Variants in AMPH observed in about 807,000 individuals in gnomAD.
AMPH encodes the protein amphiphysin (Stiff-Mann syndrome with breast cancer 128kD autoantigen).
In AMPH, 49 loss-of-function variants were observed where a neutral mutation model predicts 99.1. That is an observed-to-expected ratio of 0.49 (90% CI 0.39 to 0.63). The LOEUF (loss-of-function observed/expected upper bound fraction) is 0.63, where lower values mean the gene tolerates loss of function less well. Ranked by LOEUF, AMPH falls within the 20% of genes least tolerant of loss-of-function variation. The pLI, the probability that AMPH is intolerant of heterozygous loss-of-function variation, is 0.00. For missense variants in AMPH, 759 were observed against 863.4 expected (o/e 0.88, Z 1.52); for synonymous variants, 314 against 317.3 (o/e 0.99, Z 0.11).
At chr7:38,607,123 C>G (rs1322351130) in intron 1 of AMPH, among the ~76,000 whole-genome samples, 2 of 152,168 alleles carry the variant, frequency 1.3e-5, no homozygotes, top group Non-Finnish European at 2.9e-5. Context: ...ATGACAACCA[C>G]CTAGCTTTGA....
At chr7:38,559,336 C>T (rs369077800) in intron 1 of AMPH, among the ~76,000 whole-genome samples, 9 of 152,318 alleles carry the variant, frequency 5.9e-5, no homozygotes, top group Non-Finnish European at 1.2e-4. Context: ...AGATGAAGGA[C>T]GATGAGGTGT....
chr7:38,606,962 G>A (rs1793457853), intron 1 of AMPH, among the ~76,000 whole-genome samples: 2 of 152,114 alleles, frequency 1.3e-5, no homozygotes, highest in African/African-American at 4.8e-5. Context: ...ATGGACATTT[G>A]TGTTGTTTCT....
intron 2 of AMPH, among the ~76,000 whole-genome samples, chr7:38,523,780 T>C (rs1484530271): frequency 3.9e-5 from 6 of 152,264 alleles, no homozygotes; most frequent in East Asian, 1.9e-4. Flanking sequence ...TAATTCACCA[T>C]GTAGCAAGCA....
chr7:38,608,804 A>C (rs1157573995), intron 1 of AMPH, among the ~76,000 whole-genome samples: 2 of 152,184 alleles, frequency 1.3e-5, no homozygotes, highest in Non-Finnish European at 2.9e-5. Flanking sequence ...GAAATTATGC[A>C]ATGACCATGT....
chr7:38,407,874 A>T (rs1237318002), intron 17 of AMPH, among the ~76,000 whole-genome samples: 2 of 152,202 alleles, frequency 1.3e-5, no homozygotes, highest in African/African-American at 4.8e-5. Context: ...AATAATTCTG[A>T]TTCTGATTCA....
Position 38,540,692 on chromosome 7 carries a change from C to CAAAAAAAAAAAAAAAAAAAAAAAAAAAA in AMPH, c.70-5709_70-5682dup, listed in dbSNP as rs373768495. On this transcript the variant is annotated intron_variant, in intron 1 of 20. Transcript: ENST00000356264. ...AGCTATGAGAAGGTGTGACCCCAAG[C>CAAAAAAAAAAAAAAAAAAAAAAAAAAAA]AAAAAAAAAAAAAAAAAAAAAAAAA... Among the ~76,000 whole-genome samples the CAAAAAAAAAAAAAAAAAAAAAAAAAAAA allele has an allele frequency of 1.0e-4, 2 of 19,768 alleles. 1 individual carries two copies. The highest frequency in any genetic ancestry group is 1.8e-4 in the Non-Finnish European group (2 of 11,196). The allele number at this position is 19,768 out of a possible 152,430, so 13.0% of individuals were successfully genotyped here.
intron 1 of AMPH, among the ~76,000 whole-genome samples, chr7:38,568,483 C>T (rs1791827342): frequency 6.6e-6 from 1 of 152,146 alleles, no homozygotes. Context: ...AAGAATCCTT[C>T]CTTCTAAAGC....
chr7:38,579,058 C>G (rs552518045), intron 1 of AMPH, among the ~76,000 whole-genome samples: 1 of 152,172 alleles, frequency 6.6e-6, no homozygotes, highest in South Asian at 2.1e-4. Context: ...TAATGCTGGC[C>G]TCACAAAGCC....
At chr7:38,467,939 T>C (rs1357114351) in intron 7 of AMPH, among the ~76,000 whole-genome samples, 1 of 152,220 alleles carries the variant, frequency 6.6e-6, no homozygotes, top group East Asian at 1.9e-4. Flanking sequence ...AAGAGGTGTG[T>C]AAGCTGAACT....
At chr7:38,517,894 G>C (rs1789811333) in intron 2 of AMPH, among the ~76,000 whole-genome samples, 1 of 152,184 alleles carries the variant, frequency 6.6e-6, no homozygotes, top group Non-Finnish European at 1.5e-5. Flanking sequence ...GACAATGAAA[G>C]ACCCCACAAT....
intron 17 of AMPH, among the ~76,000 whole-genome samples, chr7:38,400,596 A>G (rs1039984873): frequency 6.6e-6 from 1 of 152,244 alleles, no homozygotes; most frequent in African/African-American, 2.4e-5. Flanking sequence ...CAGTCCTGCT[A>G]TGAGATGGTG....
chr7:38,576,847 C>T (rs1469282842), intron 1 of AMPH, among the ~76,000 whole-genome samples: 1 of 152,038 alleles, frequency 6.6e-6, no homozygotes, highest in Non-Finnish European at 1.5e-5. Flanking sequence ...AGTTGTGTGA[C>T]CTTGGGCAAG....
At chr7:38,428,541 G>C in intron 14 of AMPH, 1 of 456,680 alleles carries the variant, frequency 2.2e-6, no homozygotes, top group Non-Finnish European at 4.4e-6. Flanking sequence ...TTCAGCATCT[G>C]TACTGTCTTG....
chr7:38,468,251 T>C (rs1317507743), intron 7 of AMPH, among the ~76,000 whole-genome samples: 1 of 152,238 alleles, frequency 6.6e-6, no homozygotes, highest in Non-Finnish European at 1.5e-5. Flanking sequence ...TTTCTTCAAT[T>C]AAAGTTAACA....
At chr7:38,415,149 TAATAA>T (rs1329672535) in intron 17 of AMPH, among the ~76,000 whole-genome samples, 1 of 152,088 alleles carries the variant, frequency 6.6e-6, no homozygotes, top group East Asian at 1.9e-4. Flanking sequence ...AACAAAAATG[TAATAA>T]TTAAACTTTT....
chr7:38,468,724 C>T (rs1236004873), intron 7 of AMPH, among the ~76,000 whole-genome samples: 1 of 152,144 alleles, frequency 6.6e-6, no homozygotes, highest in Non-Finnish European at 1.5e-5. Context: ...ACCTAGTACA[C>T]GGCAAGCATG....
At chr7:38,628,944 GC>G (rs1350692542) in intron 1 of AMPH, among the ~76,000 whole-genome samples, 2 of 152,196 alleles carry the variant, frequency 1.3e-5, no homozygotes, top group Non-Finnish European at 2.9e-5. Context: ...ACATATGCAA[GC>G]TTTTAGGTGA....
chr7:38,450,927 G>A (rs767093389), intron 11 of AMPH, among the ~76,000 whole-genome samples: 47 of 148,592 alleles, frequency 3.2e-4, no homozygotes, highest in Non-Finnish European at 7.4e-5. Context: ...TCTCGCTCTT[G>A]TCACCTAGGC....
intron 1 of AMPH, among the ~76,000 whole-genome samples, chr7:38,599,924 T>C (rs1273989778): frequency 6.6e-6 from 1 of 152,056 alleles, no homozygotes; most frequent in Non-Finnish European, 1.5e-5. Flanking sequence ...AGTCTCCTCA[T>C]ACAGAGCACT....
Sources: gnomAD v4.1 joint callset for allele counts (sites outside exome capture counted in the v4.1 genomes callset) on GRCh38, gnomAD v4.1.1 for gene constraint, MANE v1.5 for transcripts, NCBI Gene and HGNC (gene_info 2026-07-23, HGNC 2026-07-21) for gene names.